Variants in SIRT4 observed in about 807,000 individuals in gnomAD.
The protein encoded by SIRT4 is sirtuin 4.
SIRT4 carries 23 observed loss-of-function variants against 26.1 expected under a neutral mutation model. The observed-to-expected ratio is 0.88, with a 90% CI of 0.63 to 1.25. SIRT4 has a LOEUF of 1.25. Ranked by LOEUF, SIRT4 falls within the 50% of genes most tolerant of loss-of-function variation. The pLI, the probability that SIRT4 is intolerant of heterozygous loss-of-function variation, is 0.00. For synonymous variants in SIRT4, 155 were observed against 158.4 expected (o/e 0.98, Z 0.16); for missense variants, 361 against 405.4 (o/e 0.89, Z 0.94).
the SIRT4 span, among the ~76,000 whole-genome samples, chr12:120,293,951 A>G: frequency 1.3e-5 from 2 of 151,054 alleles, no homozygotes; most frequent in Admixed American, 6.6e-5. Flanking sequence ...TGTAGTATAT[A>G]TCAGGAATTC....
In SIRT4 at chr12:120,312,884, G is replaced by C. The variant is rs1358668108; in HGVS notation, c.793G>C (p.Val265Leu). 3.1e-6 allele frequency: 5 copies of C among 1,614,014 alleles called. No homozygotes were observed. The African/African-American group carries it at 5.3e-5, about 17-fold the overall frequency. The change falls in exon 4 of 4, where the codon GTA becomes CTA. Residue 265 changes from valine (V) to leucine (L), a missense_variant and splice_region_variant. Val to Leu is a conservative substitution (Grantham distance 32, BLOSUM62 1). Transcript: ENST00000202967. ...SLLVVGSSLQ[V>L]YSGYRFILTA... ...TTATGTGTGTCTTTTCTCCGTGCAG[G>C]TATACTCTGGTTACAGGTTTATCCT...
the SIRT4 span, among the ~76,000 whole-genome samples, chr12:120,292,263 G>T: frequency 1.1e-3 from 160 of 152,238 alleles, no homozygotes; most frequent in Middle Eastern, 3.4e-3. Flanking sequence ...ACAGCAGGGT[G>T]GGGGGAGTTG....
At chr12:120,299,903 G>T (rs1872483806), upstream of SIRT4, among the ~76,000 whole-genome samples, 1 of 152,166 alleles carries the variant, frequency 6.6e-6, no homozygotes, top group East Asian at 1.9e-4. Context: ...AGGGCTGTGT[G>T]CTCTATTCTG....
At chr12:120,292,951 G>C in the SIRT4 span, 1 of 152,144 alleles carries the variant, frequency 6.6e-6, no homozygotes, top group African/African-American at 2.4e-5. Context: ...AGGTAAACTT[G>C]CAGGTGCTCT....
chr12:120,301,574 C>T (rs375039725), upstream of SIRT4, among the ~76,000 whole-genome samples: 5 of 152,042 alleles, frequency 3.3e-5, no homozygotes, highest in East Asian at 7.7e-4. Context: ...CCGAGGTTGG[C>T]GGATCACCTG....
upstream of SIRT4, among the ~76,000 whole-genome samples, chr12:120,298,954 C>T (rs1427008985): frequency 5.6e-5 from 6 of 106,320 alleles, 1 homozygote; most frequent in South Asian, 1.9e-3. Flanking sequence ...TAGCCGGGCG[C>T]GGTGGCTCAC....
At chr12:120,311,316 T>C (rs1220373592) in intron 2 of SIRT4, among the ~76,000 whole-genome samples, 8 of 150,252 alleles carry the variant, frequency 5.3e-5, no homozygotes, top group Admixed American at 3.3e-4. Flanking sequence ...GATCGCGCCA[T>C]TGCACTCCAG....
chr12:120,294,175 G>A, the SIRT4 span, among the ~76,000 whole-genome samples: 2 of 151,488 alleles, frequency 1.3e-5, no homozygotes, highest in African/African-American at 4.9e-5. Flanking sequence ...TGTATTTTTA[G>A]TAGAGACAGG....
At chr12:120,297,233 A>AATAC in the SIRT4 span, among the ~76,000 whole-genome samples, 1,711 of 134,402 alleles carry the variant, frequency 0.013, 31 homozygotes, top group African/African-American at 0.046. Context: ...AAAATAAATA[A>AATAC]ATACATACAT....
At chr12:120,293,115 A>C in the SIRT4 span, 2 of 152,158 alleles carry the variant, frequency 1.3e-5, no homozygotes, top group Non-Finnish European at 2.9e-5. Context: ...GAGACTGTCA[A>C]AAATTGCCAG....
chr12:120,309,281 C>T (rs185419552), intron 2 of SIRT4, among the ~76,000 whole-genome samples: 13 of 152,204 alleles, frequency 8.5e-5, no homozygotes, highest in African/African-American at 2.9e-4. Context: ...AATGAATTCT[C>T]ATATACCATC....
At chr12:120,297,868 G>T (rs1872389017), upstream of SIRT4, among the ~76,000 whole-genome samples, 1 of 152,080 alleles carries the variant, frequency 6.6e-6, no homozygotes, top group Non-Finnish European at 1.5e-5. Flanking sequence ...AAATGTGCTG[G>T]ATTATAATTT....
chr12:120,299,919 T>C (rs952446798), upstream of SIRT4, among the ~76,000 whole-genome samples: 2 of 152,072 alleles, frequency 1.3e-5, no homozygotes, highest in African/African-American at 4.8e-5. Flanking sequence ...TTCTGTTTTG[T>C]CTTCAAAGCA....
At position 120,312,486 on chromosome 12, in the gene SIRT4, T is replaced by C; in HGVS notation, c.528T>C (p.Thr176=). Residue 176 remains threonine (T), a synonymous_variant, in exon 3 of 4, where the codon ACT becomes ACC. Transcript: ENST00000202967. The stretch of plus-strand genomic sequence containing the variant: ...TGTGCTTGGATTGTGGGGAACAGAC[T>C]CCCCGGGGGGTGCTGCAAGAGCGTT... The part of the protein sequence containing the change: ...RVLCLDCGEQ[T]PRGVLQERFQ... 6.2e-7 allele frequency: 1 copy of C among 1,613,662 alleles called. No individual in the cohort carries two copies. The highest frequency in any genetic ancestry group is 1.1e-5 in the South Asian group (1 of 91,052).
At chr12:120,307,327 T>C (rs1382365561) in intron 2 of SIRT4, among the ~76,000 whole-genome samples, 2 of 151,902 alleles carry the variant, frequency 1.3e-5, no homozygotes, top group Non-Finnish European at 2.9e-5. Flanking sequence ...CAGTCTCTAC[T>C]AAAAATAAAA....
chr12:120,291,824 T>C, the SIRT4 span: 1 of 151,574 alleles, frequency 6.6e-6, no homozygotes, highest in African/African-American at 2.4e-5. Flanking sequence ...CATGGCGGGG[T>C]ATTGGGAAAA....
chr12:120,294,577 C>T, the SIRT4 span, among the ~76,000 whole-genome samples: 37 of 151,228 alleles, frequency 2.4e-4, 1 homozygote, highest in Admixed American at 2.2e-3. Context: ...TTTTTTGAGA[C>T]AGCTTTTGGC....
At chr12:120,292,829 GA>G in the SIRT4 span, among the ~76,000 whole-genome samples, 1 of 151,886 alleles carries the variant, frequency 6.6e-6, no homozygotes, top group African/African-American at 2.4e-5. Context: ...GTGCGAGAAA[GA>G]AAACAGGACA....
chr12:120,295,384 T>A, the SIRT4 span, among the ~76,000 whole-genome samples: 5 of 146,104 alleles, frequency 3.4e-5, no homozygotes, highest in Admixed American at 6.9e-5. Context: ...CTGGCTAATT[T>A]TATATATATA....
Sources: allele counts gnomAD v4.1 joint callset (sites outside exome capture counted in the v4.1 genomes callset), GRCh38; gene constraint gnomAD v4.1.1; transcripts MANE v1.5; gene names NCBI Gene and HGNC (gene_info 2026-07-23, HGNC 2026-07-21).